The following AFF3 variants were observed in gnomAD, a reference collection of about 807,000 sequenced individuals.
The protein encoded by AFF3 is ALF transcription elongation factor 3, also known as AF4/FMR2 family member 3.
Under a neutral mutation model 129.7 loss-of-function variants are expected in AFF3, and 32 were observed. That is an observed-to-expected ratio of 0.25 (90% CI 0.19 to 0.33). The LOEUF (loss-of-function observed/expected upper bound fraction) is 0.33. Ranked by LOEUF, AFF3 falls within the 10% of genes least tolerant of loss-of-function variation. The pLI is 1.00. For missense variants in AFF3, 1,373 were observed against 1,592.0 expected, an observed-to-expected ratio of 0.86 and a Z score of 2.34; for synonymous variants, 644 against 635.4, an observed-to-expected ratio of 1.01 and a Z score of -0.20.
rs142137479 is a variant in AFF3, at chr2:99,745,443, T to C, written c.1003-1303A>G. Among the ~76,000 whole-genome samples, 168 of 152,356 alleles carry C rather than the reference T, an allele frequency of 1.1e-3. 1 individual carries two copies. The highest frequency in any genetic ancestry group is 3.8e-3 in the African/African-American group (160 of 41,580). Reference sequence around the variant, plus strand: ...AATTTTTCTTTTGTTGCTCATGCTTTTGGTGTCATCGCTAAGAATCCATTG... The same window carrying C: ...AATTTTTCTTTTGTTGCTCATGCTTCTGGTGTCATCGCTAAGAATCCATTG... On this transcript the variant is annotated intron_variant, in intron 9 of 24. Transcript: ENST00000672756.
intron 8 of AFF3, among the ~76,000 whole-genome samples, chr2:99,761,446 A>C (rs1356974533): frequency 4.6e-5 from 7 of 151,004 alleles, no homozygotes; most frequent in Admixed American, 4.0e-4. Flanking sequence ...TGGTGCATAG[A>C]CTTTCATGTG....
At chr2:99,969,277 T>C (rs1382368042) in intron 7 of AFF3, among the ~76,000 whole-genome samples, 1 of 152,168 alleles carries the variant, frequency 6.6e-6, no homozygotes, top group Admixed American at 6.5e-5. Flanking sequence ...TCTCTTTGGG[T>C]GACTAGTGAC....
rs368062086 is a variant in AFF3 at position 99,678,206 on chromosome 2, T to C, written c.1092-5617A>G. On this transcript the variant is annotated intron_variant, in intron 11 of 24. Transcript: ENST00000672756. ...GTCATTTGAAGGTAAACTCAGTACT[T>C]TTCAGAAAAGGGAGTAATTCAGTAC... is the stretch of plus-strand genomic sequence containing the variant. Among the ~76,000 whole-genome samples, 15 of 152,352 alleles carry C rather than the reference T, an allele frequency of 9.8e-5. No homozygotes were observed. In the East Asian group the frequency reaches 1.7e-3, roughly 18 times the overall value.
intron 4 of AFF3, among the ~76,000 whole-genome samples, chr2:100,032,353 CA>C (rs1381530967): frequency 1.3e-5 from 2 of 151,878 alleles, no homozygotes; most frequent in Non-Finnish European, 2.9e-5. Context: ...CACTTGAACC[CA>C]GGAGGCGGAG....
At chr2:99,779,170 A>C (rs1256231579) in intron 8 of AFF3, among the ~76,000 whole-genome samples, 1 of 152,026 alleles carries the variant, frequency 6.6e-6, no homozygotes, top group African/African-American at 2.4e-5. Context: ...TGGGTTTTCC[A>C]TGGGTATCTG....
intron 22 of AFF3, among the ~76,000 whole-genome samples, chr2:99,557,678 T>C (rs536290192): frequency 3.3e-5 from 5 of 152,286 alleles, no homozygotes; most frequent in Non-Finnish European, 5.9e-5. Flanking sequence ...TCAGTGCTGG[T>C]TCTTGTCCTG....
intron 11 of AFF3, chr2:99,707,109 T>A: frequency 3.0e-6 from 3 of 985,436 alleles, no homozygotes; most frequent in Non-Finnish European, 3.6e-6. Flanking sequence ...CTTACCCCGA[T>A]GAAGGCTGGC....
At chr2:99,961,691 G>C (rs971438295) in intron 7 of AFF3, among the ~76,000 whole-genome samples, 1 of 152,158 alleles carries the variant, frequency 6.6e-6, no homozygotes, top group Non-Finnish European at 1.5e-5. Context: ...GCAGCCAAAG[G>C]TTCCATGTGA....
chr2:100,070,115 T>A (rs936108376), intron 4 of AFF3, among the ~76,000 whole-genome samples: 1 of 152,130 alleles, frequency 6.6e-6, no homozygotes, highest in Non-Finnish European at 1.5e-5. Context: ...AGAGGGAAGG[T>A]AATTGGAGTA....
At chr2:99,731,793 C>T (rs1326981313) in intron 10 of AFF3, among the ~76,000 whole-genome samples, 3 of 152,142 alleles carry the variant, frequency 2.0e-5, no homozygotes, top group African/African-American at 7.2e-5. Flanking sequence ...CAAATGTTCC[C>T]GACATTTATG....
intron 7 of AFF3, among the ~76,000 whole-genome samples, chr2:99,939,440 C>A (rs1456545622): frequency 6.6e-6 from 1 of 152,126 alleles, no homozygotes; most frequent in African/African-American, 2.4e-5. Flanking sequence ...TTCTCTGATG[C>A]AGGAGAGAAA....
At chr2:100,005,827 T>G (rs112293590) in intron 7 of AFF3, among the ~76,000 whole-genome samples, 1 of 152,348 alleles carries the variant, frequency 6.6e-6, no homozygotes, top group Admixed American at 6.5e-5. Flanking sequence ...ATTGCTTTCA[T>G]TTGGTTATTA....
chr2:100,049,809 G>A (rs1022935117), intron 4 of AFF3, among the ~76,000 whole-genome samples: 14 of 152,184 alleles, frequency 9.2e-5, no homozygotes, highest in Non-Finnish European at 2.1e-4. Context: ...CAGAGTGGGA[G>A]GTCAAACTAG....
chr2:99,921,675 T>C (rs1241916120), intron 7 of AFF3, among the ~76,000 whole-genome samples: 3 of 152,150 alleles, frequency 2.0e-5, no homozygotes, highest in Admixed American at 1.3e-4. Context: ...GAGACACTTC[T>C]TGTAACACAG....
At chr2:100,131,553 G>T (rs755760695) in intron 1 of AFF3, among the ~76,000 whole-genome samples, 2 of 151,978 alleles carry the variant, frequency 1.3e-5, no homozygotes, top group Non-Finnish European at 2.9e-5. Flanking sequence ...TCTGCCTCCC[G>T]GGTTCAAGTG....
chr2:99,846,650 T>C (rs190161962), intron 7 of AFF3, among the ~76,000 whole-genome samples: 135 of 152,370 alleles, frequency 8.9e-4, no homozygotes, highest in Non-Finnish European at 4.0e-4. Context: ...CACTCTAATT[T>C]GTGTCCCACA....
intron 8 of AFF3, among the ~76,000 whole-genome samples, chr2:99,819,970 C>T (rs1433772732): frequency 6.6e-6 from 1 of 152,192 alleles, no homozygotes; most frequent in African/African-American, 2.4e-5. Context: ...CATCATAGAG[C>T]TCCATGGAAG....
intron 7 of AFF3, among the ~76,000 whole-genome samples, 173 bp from the exon 8 acceptor site, chr2:99,837,697 C>CA (rs1404642814): frequency 6.6e-6 from 1 of 152,096 alleles, no homozygotes; most frequent in Non-Finnish European, 1.5e-5. Flanking sequence ...AGCCGGCTCC[C>CA]ATTGTGGCTG....
At chr2:99,754,173 A>G (rs534513033) in intron 8 of AFF3, among the ~76,000 whole-genome samples, 1 of 152,302 alleles carries the variant, frequency 6.6e-6, no homozygotes, top group East Asian at 1.9e-4. Flanking sequence ...TCATTACTGG[A>G]GAGGATATGT....
Sources: gnomAD v4.1 joint callset for allele counts (sites outside exome capture counted in the v4.1 genomes callset) on GRCh38, gnomAD v4.1.1 for gene constraint, MANE v1.5 for transcripts, NCBI Gene and HGNC (gene_info 2026-07-23, HGNC 2026-07-21) for gene names.